The following GRID1 variants were observed in gnomAD, a reference collection of about 807,000 sequenced individuals.
GRID1 encodes glutamate ionotropic receptor delta type subunit 1.
In GRID1, 28 loss-of-function variants were observed where a neutral mutation model predicts 98.0. That is an observed-to-expected ratio of 0.29 (90% CI 0.21 to 0.39). The LOEUF (loss-of-function observed/expected upper bound fraction) is 0.39. Ranked by LOEUF, GRID1 falls within the 10% of genes least tolerant of loss-of-function variation. The pLI, the probability that GRID1 is intolerant of heterozygous loss-of-function variation, is 1.00. For synonymous variants in GRID1, 553 were observed against 538.5 expected (o/e 1.03, Z -0.37); for missense variants, 1,111 against 1,340.5 (o/e 0.83, Z 2.67).
At chr10:85,767,632 G>A (rs550212587) in intron 8 of GRID1, among the ~76,000 whole-genome samples, 1 of 152,268 alleles carries the variant, frequency 6.6e-6, no homozygotes, top group South Asian at 2.1e-4. Flanking sequence ...AGATGGAAAA[G>A]GGGCAAGGAG....
intron 12 of GRID1, among the ~76,000 whole-genome samples, chr10:85,661,244 T>C (rs1247447396): frequency 1.3e-5 from 2 of 151,976 alleles, no homozygotes. Flanking sequence ...TAGACCGACA[T>C]TTACATTCTC....
At chr10:86,022,702 A>G (rs1376774210) in intron 4 of GRID1, among the ~76,000 whole-genome samples, 1 of 152,100 alleles carries the variant, frequency 6.6e-6, no homozygotes, top group East Asian at 1.9e-4. Context: ...TAGATCACCC[A>G]AGGTCAGGAG....
At chr10:85,603,133 G>T (rs1013320860) in intron 15 of GRID1, among the ~76,000 whole-genome samples, 4 of 152,308 alleles carry the variant, frequency 2.6e-5, no homozygotes, top group Middle Eastern at 3.4e-3. Flanking sequence ...AAAAGACTTT[G>T]TATGATCATC....
At chr10:85,915,151 C>T (rs1472553943) in intron 5 of GRID1, among the ~76,000 whole-genome samples, 1 of 152,016 alleles carries the variant, frequency 6.6e-6, no homozygotes, top group Non-Finnish European at 1.5e-5. Flanking sequence ...TCTATTTACT[C>T]CCTTTACATG....
intron 12 of GRID1, among the ~76,000 whole-genome samples, chr10:85,687,442 T>A (rs1841282294): frequency 6.6e-6 from 1 of 152,070 alleles, no homozygotes; most frequent in South Asian, 2.1e-4. Context: ...TGAATTTGTA[T>A]GGTAAGAATA....
intron 4 of GRID1, among the ~76,000 whole-genome samples, chr10:86,134,780 T>C (rs983289224): frequency 1.3e-5 from 2 of 152,190 alleles, no homozygotes; most frequent in African/African-American, 2.4e-5. Flanking sequence ...CAGAGTCACC[T>C]AGTCCAGGAA....
chr10:85,790,643 C>T (rs929962429), intron 8 of GRID1, among the ~76,000 whole-genome samples: 1 of 152,146 alleles, frequency 6.6e-6, no homozygotes, highest in Non-Finnish European at 1.5e-5. Context: ...AGACCAGGAG[C>T]CTCCTGGCAG....
intron 8 of GRID1, among the ~76,000 whole-genome samples, chr10:85,814,588 C>T (rs1431412237): frequency 6.6e-6 from 1 of 151,836 alleles, no homozygotes; most frequent in African/African-American, 2.4e-5. Flanking sequence ...AAACTACTAA[C>T]ATCTGGAATT....
At chr10:85,843,430 G>T (rs1196225374) in intron 8 of GRID1, among the ~76,000 whole-genome samples, 1 of 151,964 alleles carries the variant, frequency 6.6e-6, no homozygotes. Context: ...AGGAAAAATT[G>T]ATACACTTAG....
chr10:85,823,768 T>A (rs967041202), intron 8 of GRID1, among the ~76,000 whole-genome samples: 6 of 152,078 alleles, frequency 3.9e-5, no homozygotes, highest in African/African-American at 1.2e-4. Context: ...ATGATAAGAC[T>A]GACAGTCCCA....
intron 4 of GRID1, among the ~76,000 whole-genome samples, chr10:86,085,432 T>C (rs1355781419): frequency 6.6e-6 from 1 of 152,068 alleles, no homozygotes; most frequent in Non-Finnish European, 1.5e-5. Flanking sequence ...AAAACAGGCA[T>C]GAAAGCAGGA....
At chr10:86,124,686 C>T (rs1844725226) in intron 4 of GRID1, among the ~76,000 whole-genome samples, 1 of 152,172 alleles carries the variant, frequency 6.6e-6, no homozygotes, top group Admixed American at 6.5e-5. Context: ...AGACAAGGAC[C>T]TTGTTTGTCT....
chr10:86,124,616 G>T (rs1214365349), intron 4 of GRID1, among the ~76,000 whole-genome samples: 1 of 151,982 alleles, frequency 6.6e-6, no homozygotes, highest in African/African-American at 2.4e-5. Context: ...ATGACTTTTG[G>T]TTTACTCATT....
intron 4 of GRID1, among the ~76,000 whole-genome samples, chr10:86,124,846 C>T (rs184483992): frequency 3.2e-4 from 48 of 152,258 alleles, no homozygotes; most frequent in Admixed American, 3.1e-3. Flanking sequence ...AGAGCCAGGG[C>T]GGGAGCTTAT....
chr10:85,786,435 C>T (rs908265399), intron 8 of GRID1, among the ~76,000 whole-genome samples: 2 of 152,184 alleles, frequency 1.3e-5, no homozygotes, highest in African/African-American at 4.8e-5. Flanking sequence ...TGTGACAACC[C>T]CTGCTCTTTC....
At chr10:86,036,730 G>A (rs1342000658) in intron 4 of GRID1, among the ~76,000 whole-genome samples, 1 of 152,166 alleles carries the variant, frequency 6.6e-6, no homozygotes, top group Non-Finnish European at 1.5e-5. Context: ...GGTGAAAAAG[G>A]AGTGGACGGG....
intron 3 of GRID1, among the ~76,000 whole-genome samples, chr10:86,173,413 T>C (rs1459485820): frequency 6.6e-6 from 1 of 152,196 alleles, no homozygotes; most frequent in Non-Finnish European, 1.5e-5. Flanking sequence ...TATCTTCCAA[T>C]ATCCAGCCAG....
intron 4 of GRID1, among the ~76,000 whole-genome samples, chr10:85,943,321 A>G (rs1048989412): frequency 1.3e-5 from 2 of 152,226 alleles, no homozygotes; most frequent in African/African-American, 2.4e-5. Context: ...TATAAAATAT[A>G]TGCCATATTT....
intron 8 of GRID1, among the ~76,000 whole-genome samples, chr10:85,797,060 G>C (rs1842531833): frequency 6.6e-6 from 1 of 152,112 alleles, no homozygotes; most frequent in South Asian, 2.1e-4. Flanking sequence ...AAAAGGCTAA[G>C]AGCACTCCCA....
Sources: gnomAD v4.1 joint callset for allele counts (sites outside exome capture counted in the v4.1 genomes callset) on GRCh38, gnomAD v4.1.1 for gene constraint, MANE v1.5 for transcripts, NCBI Gene and HGNC (gene_info 2026-07-23, HGNC 2026-07-21) for gene names.